The following NFIL3 variants were observed in gnomAD, a reference collection of about 807,000 sequenced individuals.
NFIL3 encodes nuclear factor, interleukin 3 regulated, also known as nuclear factor interleukin-3-regulated protein.
Under a neutral mutation model 10.0 loss-of-function variants are expected in NFIL3, and 5 were observed. The ratio of observed to expected loss-of-function variants is 0.50; its 90% CI spans 0.26 to 1.06. The LOEUF (loss-of-function observed/expected upper bound fraction) is 1.06. Among genes scored for constraint, NFIL3 ranks in the 50% least tolerant of loss-of-function variants. The pLI is 0.13. For synonymous variants in NFIL3, 202 were observed against 206.5 expected (o/e 0.98, Z 0.19); for missense variants, 436 against 547.6 (o/e 0.80, Z 2.03).
the NFIL3 span, among the ~76,000 whole-genome samples, chr9:91,434,013 T>G: frequency 6.6e-6 from 1 of 152,160 alleles, no homozygotes; most frequent in East Asian, 1.9e-4. Context: ...AAAAATTGAA[T>G]ATATTTCTGA....
At chr9:91,425,159 G>T (rs1833857233), upstream of NFIL3, among the ~76,000 whole-genome samples, 1 of 152,182 alleles carries the variant, frequency 6.6e-6, no homozygotes, top group African/African-American at 2.4e-5. Flanking sequence ...TGGGGGCTGG[G>T]CCGAGTGCCT....
At chr9:91,482,658 C>T in the NFIL3 span, among the ~76,000 whole-genome samples, 26 of 152,144 alleles carry the variant, frequency 1.7e-4, no homozygotes, top group Non-Finnish European at 2.2e-4. Context: ...CCCACCAACA[C>T]GCCCGACTAA....
chr9:91,431,783 A>C, the NFIL3 span, among the ~76,000 whole-genome samples: 2 of 152,154 alleles, frequency 1.3e-5, no homozygotes, highest in Non-Finnish European at 2.9e-5. Context: ...TGTGCTGCTC[A>C]ATGACCCAGG....
the NFIL3 span, among the ~76,000 whole-genome samples, chr9:91,465,776 A>G: frequency 6.6e-6 from 1 of 152,046 alleles, no homozygotes; most frequent in Non-Finnish European, 1.5e-5. Flanking sequence ...TCTGTTCAGG[A>G]GTTGGGCTGT....
the NFIL3 span, among the ~76,000 whole-genome samples, chr9:91,436,023 C>T: frequency 1.3e-5 from 2 of 152,244 alleles, no homozygotes; most frequent in Admixed American, 1.3e-4. Context: ...CTCCAGGCAA[C>T]TCACAGAATC....
rs149214456 is a variant in NFIL3, at chr9:91,409,865, G to A, written c.870C>T (p.Asp290=). 5.3e-3 allele frequency: 8,600 copies of A among 1,613,958 alleles called. 21 individuals carry two copies. The highest frequency in any genetic ancestry group is 6.9e-3 in the Non-Finnish European group (8,155 of 1,179,984). ...TGGGGCCCTTGGGGACCTGTTGCTCGTCTTCTCCATCAGATGACTTTCCTA... is the reference window on the plus strand; with the variant it reads ...TGGGGCCCTTGGGGACCTGTTGCTCATCTTCTCCATCAGATGACTTTCCTA... ...GVVGKSSDGE[D]EQQVPKGPIH... is the part of the protein sequence containing the mutation. Residue 290 remains aspartate, a synonymous_variant, in exon 2 of 2, where the codon GAC becomes GAT. Coordinates refer to ENST00000297689, the MANE Select transcript of NFIL3 (RefSeq NM_005384.3).
the NFIL3 span, among the ~76,000 whole-genome samples, chr9:91,468,422 C>T: frequency 6.6e-6 from 1 of 151,950 alleles, no homozygotes; most frequent in Non-Finnish European, 1.5e-5. Context: ...AGTTCTTTGT[C>T]AATTCTGGAT....
At chr9:91,415,403 A>G (rs1220134666) in intron 1 of NFIL3, among the ~76,000 whole-genome samples, 2 of 152,228 alleles carry the variant, frequency 1.3e-5, no homozygotes. Flanking sequence ...AGAGAAGTCA[A>G]GTGACTTGCC....
At chr9:91,446,685 A>G in the NFIL3 span, among the ~76,000 whole-genome samples, 2 of 152,208 alleles carry the variant, frequency 1.3e-5, no homozygotes, top group Admixed American at 6.5e-5. Flanking sequence ...CATTTTAGGT[A>G]TTTCATATTA....
At chr9:91,455,731 AC>A in the NFIL3 span, among the ~76,000 whole-genome samples, 1 of 152,176 alleles carries the variant, frequency 6.6e-6, no homozygotes, top group African/African-American at 2.4e-5. Context: ...ATACTTATAG[AC>A]CTGTGACACC....
chr9:91,418,086 G>A lies in NFIL3; in HGVS notation c.-173+5554C>T, dbSNP rs373889242. 3.3e-5 allele frequency among the ~76,000 whole-genome samples: 5 copies of A among 151,704 alleles called. No individual in the cohort carries two copies. The East Asian group carries it at 5.8e-4, about 17-fold the overall frequency. On this transcript the variant is annotated intron_variant, in intron 1 of 1. Transcript: ENST00000297689. ...ACTTAACATTCTTCTTTAAGAGGTC[G>A]TCAGTGTTTGAAACTTAATACACAA... is the stretch of plus-strand genomic sequence containing the variant.
the NFIL3 span, among the ~76,000 whole-genome samples, chr9:91,433,862 T>A: frequency 6.6e-6 from 1 of 151,982 alleles, no homozygotes; most frequent in Non-Finnish European, 1.5e-5. Context: ...ATATTTAAAA[T>A]ATACTTGGGA....
chr9:91,409,442 C>T lies in NFIL3; in HGVS notation c.1293G>A (p.Leu431=), dbSNP rs1233198264. The T allele has an allele frequency of 1.2e-6, 2 of 1,614,040 alleles. No individual in the cohort carries two copies. The highest frequency in any genetic ancestry group is 8.5e-7 in the Non-Finnish European group (1 of 1,180,018). Residue 431 remains leucine, a synonymous_variant, in exon 2 of 2, where the codon TTG becomes TTA. Transcript: ENST00000297689. ...SGYKVSDPEN[L]YLKQGIANLS... Reference sequence around the variant, plus strand: ...AGTTTGCTATCCCCTGCTTCAAATACAAGTTCTCTGGGTCAGAAACTTTGT... The same window carrying T: ...AGTTTGCTATCCCCTGCTTCAAATATAAGTTCTCTGGGTCAGAAACTTTGT...
chr9:91,452,928 G>T, the NFIL3 span, among the ~76,000 whole-genome samples: 2 of 151,996 alleles, frequency 1.3e-5, no homozygotes, highest in African/African-American at 2.4e-5. Context: ...CTGTCTCAGA[G>T]ACTTTTGGGT....
At chr9:91,456,445 C>G in the NFIL3 span, among the ~76,000 whole-genome samples, 1 of 152,076 alleles carries the variant, frequency 6.6e-6, no homozygotes, top group African/African-American at 2.4e-5. Flanking sequence ...ATTATGGTAT[C>G]TTATTGAAGT....
At chr9:91,421,826 C>A (rs1171287607) in intron 1 of NFIL3, among the ~76,000 whole-genome samples, 1 of 152,084 alleles carries the variant, frequency 6.6e-6, no homozygotes, top group Non-Finnish European at 1.5e-5. Flanking sequence ...CAAAAAAAAA[C>A]CCTGCACTTA....
the NFIL3 span, among the ~76,000 whole-genome samples, chr9:91,478,374 G>T: frequency 6.6e-6 from 1 of 151,586 alleles, no homozygotes. Flanking sequence ...CTCTAATCTT[G>T]TCTTCTCGCT....
At chr9:91,424,049 C>A (rs535220401), upstream of NFIL3, among the ~76,000 whole-genome samples, 37 of 150,662 alleles carry the variant, frequency 2.5e-4, no homozygotes, top group Non-Finnish European at 4.9e-4. Context: ...TCGCGTCCCT[C>A]CCCGGCCAGG....
the NFIL3 span, among the ~76,000 whole-genome samples, chr9:91,439,408 T>C: frequency 6.6e-6 from 1 of 152,290 alleles, no homozygotes; most frequent in African/African-American, 2.4e-5. Flanking sequence ...CTGTTTTTTT[T>C]CCCTGTGGAA....
Sources: gnomAD v4.1 joint callset for allele counts (sites outside exome capture counted in the v4.1 genomes callset) on GRCh38, gnomAD v4.1.1 for gene constraint, MANE v1.5 for transcripts, NCBI Gene and HGNC (gene_info 2026-07-23, HGNC 2026-07-21) for gene names.